BTBD10: variants seen among roughly 807,000 people sequenced by gnomAD.
BTBD10 encodes the protein BTB/POZ domain-containing protein 10.
In BTBD10, 21 loss-of-function variants were observed where a neutral mutation model predicts 53.2. That is an observed-to-expected ratio of 0.39 (90% CI 0.28 to 0.57). BTBD10 has a LOEUF of 0.57. Among genes scored for constraint, BTBD10 ranks in the 20% least tolerant of loss-of-function variants. The pLI, the probability that BTBD10 is intolerant of heterozygous loss-of-function variation, is 0.53. For synonymous variants in BTBD10, 149 were observed against 192.7 expected (o/e 0.77, Z 1.88); for missense variants, 360 against 594.7 (o/e 0.61, Z 4.10).
intron 1 of BTBD10, among the ~76,000 whole-genome samples, chr11:13,447,801 C>T (rs1950777500): frequency 6.6e-6 from 1 of 152,130 alleles, no homozygotes; most frequent in Non-Finnish European, 1.5e-5. Flanking sequence ...CCAGCCCTCA[C>T]ATCCAGTAGT....
rs1255854560 is a variant in BTBD10, at chr11:13,417,226, G to A, written c.619C>T (p.Arg207Ter). The A allele has an allele frequency of 3.7e-6, 6 of 1,613,250 alleles. No individual in the cohort carries two copies. The highest frequency in any genetic ancestry group is 5.1e-6 in the Non-Finnish European group (6 of 1,179,536). Residue 207 changes from arginine (R) to a stop codon, truncating the protein, a stop_gained, in exon 5 of 9, where the codon CGA becomes TGA. Coordinates refer to ENST00000278174, the MANE Select transcript of BTBD10 (RefSeq NM_032320.7). LOFTEE classifies it high-confidence loss of function. Reference sequence around the variant, plus strand: ...TCATACTCTCCTTTCTCATTGGGTCGTGTAAAGTTATGTTCTCGGCCAGAT... The same window carrying A: ...TCATACTCTCCTTTCTCATTGGGTCATGTAAAGTTATGTTCTCGGCCAGAT... ...FGSGREHNFTRPNEKGEYEVA... is the reference protein window; with the variant it reads ...FGSGREHNFT
chr11:13,403,190 C>T lies in BTBD10; in HGVS notation c.1095G>A (p.Lys365=). 1 of 1,533,694 alleles carries T rather than the reference C, an allele frequency of 6.5e-7. No individual in the cohort carries two copies. The highest frequency in any genetic ancestry group is 8.8e-7 in the Non-Finnish European group (1 of 1,140,238). The change falls in exon 8 of 9, where the codon AAG becomes AAA. Residue 365 remains lysine, a synonymous_variant. Coordinates refer to ENST00000278174, the MANE Select transcript of BTBD10 (RefSeq NM_032320.7). The part of the protein sequence containing the change: ...AKSVLKERGL[K]KIRLGIEGYP... Reference sequence around the variant, plus strand: ...TACCTTCTATTCCCAATCTAATCTTCTTAAGACCCCTCTCCTTCAAAACTG... The same window carrying T: ...TACCTTCTATTCCCAATCTAATCTTTTTAAGACCCCTCTCCTTCAAAACTG...
chr11:13,435,377 C>T (rs1261903847), intron 2 of BTBD10, among the ~76,000 whole-genome samples: 1 of 152,000 alleles, frequency 6.6e-6, no homozygotes, highest in Non-Finnish European at 1.5e-5. Flanking sequence ...ATTTTTCAAG[C>T]AATGCTTTTA....
intron 6 of BTBD10, among the ~76,000 whole-genome samples, chr11:13,410,174 G>A (rs1949909255): frequency 6.6e-6 from 1 of 152,072 alleles, no homozygotes; most frequent in Non-Finnish European, 1.5e-5. Context: ...AATTAAAGTT[G>A]ACACTTAGAA....
At chr11:13,436,189 CTAGCCTTGG>C (rs2134010369) in intron 2 of BTBD10, among the ~76,000 whole-genome samples, 1 of 152,320 alleles carries the variant, frequency 6.6e-6, no homozygotes, top group South Asian at 2.1e-4. Flanking sequence ...AAGTTTCATT[CTAGCCTTGG>C]AAAGTTCTGA....
chr11:13,408,672 G>A (rs1354584233), intron 6 of BTBD10, among the ~76,000 whole-genome samples: 1 of 152,066 alleles, frequency 6.6e-6, no homozygotes, highest in Admixed American at 6.5e-5. Context: ...TCACACTTCT[G>A]GTTAAAGCTC....
At chr11:13,404,691 A>G in intron 7 of BTBD10, 1 of 755,506 alleles carries the variant, frequency 1.3e-6, no homozygotes, top group Non-Finnish European at 1.6e-6. Context: ...TATTACTACA[A>G]CTATCCACAA....
At chr11:13,416,677 A>G (rs928645368) in intron 5 of BTBD10, among the ~76,000 whole-genome samples, 1 of 152,122 alleles carries the variant, frequency 6.6e-6, no homozygotes, top group African/African-American at 2.4e-5. Flanking sequence ...ATTTGTATGT[A>G]CTAAAATAAA....
chr11:13,440,266 A>G (rs1950621096), intron 2 of BTBD10: 3 of 1,216,074 alleles, frequency 2.5e-6, no homozygotes, highest in Non-Finnish European at 3.1e-6. Context: ...GTTTCTAACA[A>G]AACAGCATCG....
Position 13,425,499 on chromosome 11 carries a change from G to A in BTBD10, c.102-3661C>T, listed in dbSNP as rs895911322. 5.3e-5 allele frequency among the ~76,000 whole-genome samples: 8 copies of A among 151,954 alleles called. No homozygotes were observed. The South Asian group carries it at 6.2e-4, about 12-fold the overall frequency. ...AAAAAAACATCAAGTGAAATAAAAC[G>A]TGAACTGACACATACGTTAGAATGA... On this transcript the variant is annotated intron_variant, in intron 2 of 8. Transcript: ENST00000278174.
chr11:13,430,804 A>C (rs1249076807), intron 2 of BTBD10, among the ~76,000 whole-genome samples: 1 of 152,148 alleles, frequency 6.6e-6, no homozygotes, highest in Non-Finnish European at 1.5e-5. Flanking sequence ...ATTATATAAA[A>C]TTCTAGGAAA....
At chr11:13,421,974 T>C in intron 2 of BTBD10, 136 bp from the exon 3 acceptor site, 1 of 667,172 alleles carries the variant, frequency 1.5e-6, no homozygotes, top group Admixed American at 3.5e-5. Context: ...TTCTGAAACC[T>C]AATTTACCTC....
At chr11:13,419,791 A>T (rs1414229043) in intron 3 of BTBD10, 46 bp from the exon 4 acceptor site, 1 of 1,422,372 alleles carries the variant, frequency 7.0e-7, no homozygotes, top group Admixed American at 2.3e-5. Flanking sequence ...TTCTTTTACA[A>T]ATTCAAGATT....
In BTBD10 at chr11:13,417,565, G is replaced by A. The variant is rs192851815; in HGVS notation, c.585-305C>T. The stretch of plus-strand genomic sequence containing the variant: ...ACCAACCAATTAGTCTAGGGAAAAA[G>A]ATGAGTTTTTAATACCAATTTTACC... On this transcript the variant is annotated intron_variant, in intron 4 of 8. Transcript: ENST00000278174. Among the ~76,000 whole-genome samples, 696 of 152,046 alleles carry A rather than the reference G, an allele frequency of 4.6e-3. 3 individuals are homozygous for A. The highest frequency in any genetic ancestry group is 6.8e-3 in the Non-Finnish European group (461 of 67,948).
intron 5 of BTBD10, among the ~76,000 whole-genome samples, chr11:13,414,164 C>G (rs1950034318): frequency 6.6e-6 from 1 of 152,036 alleles, no homozygotes; most frequent in South Asian, 2.1e-4. Context: ...ATTAGATATT[C>G]TTCTTTTAAT....
chr11:13,389,640 C>G (rs903221858), intron 8 of BTBD10, among the ~76,000 whole-genome samples: 1 of 152,126 alleles, frequency 6.6e-6, no homozygotes, highest in African/African-American at 2.4e-5. Context: ...GTTGCCCAGG[C>G]TGGTCTCGAA....
intron 2 of BTBD10, among the ~76,000 whole-genome samples, chr11:13,427,519 CA>C (rs1232561618): frequency 4.6e-5 from 7 of 152,244 alleles, no homozygotes; most frequent in South Asian, 2.1e-4. Flanking sequence ...GACAATTCCA[CA>C]ATTATCATCA....
intron 7 of BTBD10, among the ~76,000 whole-genome samples, chr11:13,404,223 A>C (rs1949769161): frequency 6.6e-6 from 1 of 151,536 alleles, no homozygotes; most frequent in Non-Finnish European, 1.5e-5. Context: ...TCACATATAG[A>C]AAAATCAGGC....
chr11:13,444,899 T>C, intron 2 of BTBD10, 125 bp downstream of exon 2: 2 of 563,798 alleles, frequency 3.5e-6, no homozygotes, highest in South Asian at 6.0e-5. Flanking sequence ...CAGATAAACA[T>C]TCACAACGTT....
Sources: allele counts gnomAD v4.1 joint callset (sites outside exome capture counted in the v4.1 genomes callset), GRCh38; gene constraint gnomAD v4.1.1; transcripts MANE v1.5; gene names NCBI Gene and HGNC (gene_info 2026-07-23, HGNC 2026-07-21).